The following MACROD2 variants were observed in gnomAD, a reference collection of about 807,000 sequenced individuals.
MACROD2 encodes mono-ADP ribosylhydrolase 2.
A neutral mutation model predicts 70.4 loss-of-function variants in MACROD2; 36 were observed. The ratio of observed to expected loss-of-function variants is 0.51; its 90% CI spans 0.39 to 0.68. The LOEUF (loss-of-function observed/expected upper bound fraction) is 0.68, where lower values mean the gene tolerates loss of function less well. Ranked by LOEUF, MACROD2 falls within the 30% of genes least tolerant of loss-of-function variation. MACROD2 has a pLI of 0.00. For missense variants in MACROD2, 496 were observed against 538.4 expected (o/e 0.92, Z 0.78); for synonymous variants, 172 against 178.8 (o/e 0.96, Z 0.30).
chr20:15,717,192 A>G (rs2050719484), intron 8 of MACROD2, among the ~76,000 whole-genome samples: 1 of 152,200 alleles, frequency 6.6e-6, no homozygotes, highest in Non-Finnish European at 1.5e-5. Flanking sequence ...CTGGAGTTGT[A>G]TTTCTTTTTC....
intron 4 of MACROD2, among the ~76,000 whole-genome samples, chr20:14,663,976 CTT>C (rs993116730): frequency 1.3e-5 from 2 of 152,036 alleles, no homozygotes; most frequent in Non-Finnish European, 1.5e-5. Flanking sequence ...TTTTATGACT[CTT>C]TTAGTTTTCT....
At chr20:15,392,885 G>A (rs1195908096) in intron 6 of MACROD2, among the ~76,000 whole-genome samples, 7 of 151,496 alleles carry the variant, frequency 4.6e-5, no homozygotes, top group Non-Finnish European at 1.5e-5. Context: ...AAATTGTACA[G>A]TGTAAAGTGA....
chr20:14,059,368 AG>A (rs2053667082), intron 2 of MACROD2, among the ~76,000 whole-genome samples: 1 of 152,200 alleles, frequency 6.6e-6, no homozygotes, highest in African/African-American at 2.4e-5. Context: ...ACACTGTCCT[AG>A]GCAAATAAGA....
intron 2 of MACROD2, among the ~76,000 whole-genome samples, chr20:14,084,877 C>T (rs1255804819): frequency 6.6e-6 from 1 of 151,786 alleles, no homozygotes; most frequent in Non-Finnish European, 1.5e-5. Context: ...AATCCCAGCA[C>T]TTTGGGAGGC....
chr20:14,571,563 CT>C (rs1179748115), intron 4 of MACROD2, among the ~76,000 whole-genome samples: 1 of 151,964 alleles, frequency 6.6e-6, no homozygotes, highest in East Asian at 1.9e-4. Context: ...CATTTTGTCC[CT>C]GTCATTTCAT....
At chr20:14,110,743 A>G (rs971683639) in intron 3 of MACROD2, among the ~76,000 whole-genome samples, 2 of 152,042 alleles carry the variant, frequency 1.3e-5, no homozygotes, top group Non-Finnish European at 2.9e-5. Context: ...CAAAATGGAA[A>G]GATATTCCAC....
rs575277446 is a variant in MACROD2, at chr20:14,558,312, A to T, written c.301+64804A>T. Reference sequence around the variant, plus strand: ...GTCTATGAACATACAAAAACCATTTAATCGTGTATTTTTAAAGGGCCTGGT... The same window carrying T: ...GTCTATGAACATACAAAAACCATTTTATCGTGTATTTTTAAAGGGCCTGGT... On this transcript the variant is annotated intron_variant, in intron 4 of 17. Coordinates refer to ENST00000684519, the MANE Select transcript of MACROD2 (RefSeq NM_001351661.2). Among the ~76,000 whole-genome samples the T allele has an allele frequency of 1.1e-4, 17 of 151,844 alleles. No individual in the cohort carries two copies. The East Asian group carries it at 3.3e-3, about 29-fold the overall frequency.
At chr20:15,695,342 T>C (rs529051908) in intron 8 of MACROD2, among the ~76,000 whole-genome samples, 25 of 152,272 alleles carry the variant, frequency 1.6e-4, no homozygotes, top group Admixed American at 1.4e-3. Context: ...ATTCTACCCA[T>C]CCACGAGCAT....
chr20:14,135,696 A>G (rs1489432068), intron 3 of MACROD2, among the ~76,000 whole-genome samples: 1 of 152,136 alleles, frequency 6.6e-6, no homozygotes, highest in African/African-American at 2.4e-5. Context: ...AAAACCATAT[A>G]TTCCTTTCAA....
chr20:14,305,915 C>T (rs1203744562), intron 3 of MACROD2, among the ~76,000 whole-genome samples: 2 of 151,324 alleles, frequency 1.3e-5, no homozygotes, highest in Admixed American at 6.6e-5. Context: ...TTGATCTATT[C>T]ACTCTCTCTC....
At chr20:14,948,174 C>G (rs556601729) in intron 5 of MACROD2, among the ~76,000 whole-genome samples, 56 of 152,246 alleles carry the variant, frequency 3.7e-4, no homozygotes, top group African/African-American at 1.3e-3. Flanking sequence ...TTATTTCACT[C>G]TGGCTCCTTT....
intron 12 of MACROD2, among the ~76,000 whole-genome samples, chr20:15,954,608 A>G (rs900633360): frequency 6.6e-6 from 1 of 152,164 alleles, no homozygotes; most frequent in Non-Finnish European, 1.5e-5. Context: ...CAGAGGTACC[A>G]ATTAAAATTT....
At chr20:14,822,918 A>T (rs550317244) in intron 5 of MACROD2, among the ~76,000 whole-genome samples, 1 of 152,114 alleles carries the variant, frequency 6.6e-6, no homozygotes, top group African/African-American at 2.4e-5. Flanking sequence ...CTGTCATTTG[A>T]TTACATTTAG....
At chr20:15,436,745 T>C (rs2046432603) in intron 7 of MACROD2, among the ~76,000 whole-genome samples, 1 of 152,022 alleles carries the variant, frequency 6.6e-6, no homozygotes, top group Non-Finnish European at 1.5e-5. Flanking sequence ...GGGTTTGACG[T>C]AATATTCTAT....
chr20:14,673,232 G>T (rs2070816544), intron 4 of MACROD2, among the ~76,000 whole-genome samples: 1 of 152,152 alleles, frequency 6.6e-6, no homozygotes. Context: ...ATTTAGAGAG[G>T]CTCTTTTGAT....
rs904271288 is a variant in MACROD2 at position 14,290,788 on chromosome 20, C to T, written c.272-202691C>T. On this transcript the variant is annotated intron_variant, in intron 3 of 17. Coordinates refer to ENST00000684519, the MANE Select transcript of MACROD2 (RefSeq NM_001351661.2). ...CCTCCCAGAGTGCTGGGATTACAGG[C>T]GTGAGCCACTGCGCCCAGCTGGTAG... 7.9e-5 allele frequency among the ~76,000 whole-genome samples: 12 copies of T among 152,228 alleles called. No individual in the cohort carries two copies. In the East Asian group the frequency reaches 1.7e-3, roughly 22 times the overall value.
chr20:14,386,936 A>C (rs1375601375), intron 3 of MACROD2, among the ~76,000 whole-genome samples: 1 of 152,202 alleles, frequency 6.6e-6, no homozygotes, highest in Admixed American at 6.5e-5. Context: ...TGTGTGATGC[A>C]AAAATCGGGT....
intron 8 of MACROD2, among the ~76,000 whole-genome samples, chr20:15,837,128 C>T (rs1176405225): frequency 1.3e-5 from 2 of 151,990 alleles, no homozygotes; most frequent in East Asian, 3.9e-4. Flanking sequence ...AGGGCTGTAC[C>T]ATGAAGGATA....
chr20:14,236,505 A>G (rs564207288), intron 3 of MACROD2, among the ~76,000 whole-genome samples: 21 of 152,248 alleles, frequency 1.4e-4, no homozygotes, highest in Admixed American at 1.2e-3. Context: ...TACATCTGCC[A>G]CCTTGCATTT....
Sources: gnomAD v4.1 joint callset for allele counts (sites outside exome capture counted in the v4.1 genomes callset) on GRCh38, gnomAD v4.1.1 for gene constraint, MANE v1.5 for transcripts, NCBI Gene and HGNC (gene_info 2026-07-23, HGNC 2026-07-21) for gene names.